LATS2: variants seen among roughly 807,000 people sequenced by gnomAD.
LATS2 encodes large tumor suppressor kinase 2.
In LATS2, 24 loss-of-function variants were observed where a neutral mutation model predicts 76.0. The ratio of observed to expected loss-of-function variants is 0.32; its 90% CI spans 0.23 to 0.44. LATS2 has a LOEUF of 0.44. Among genes scored for constraint, LATS2 ranks in the 20% least tolerant of loss-of-function variants. The pLI is 1.00. For missense variants in LATS2, 1,286 were observed against 1,481.2 expected, an observed-to-expected ratio of 0.87 and a Z score of 2.16; for synonymous variants, 692 against 635.4, an observed-to-expected ratio of 1.09 and a Z score of -1.34.
chr13:20,979,717 G>C lies in LATS2; in HGVS notation c.2746C>G (p.Pro916Ala). 6.2e-7 allele frequency: 1 copy of C among 1,611,550 alleles called. No homozygotes were observed. Among genetic ancestry groups the C allele is most frequent in the African/African-American group, 1.3e-5 (1 of 74,954 alleles). Residue 916 changes from proline (P) to alanine (A), a missense_variant, in exon 7 of 8, where the codon CCT becomes GCT. Coordinates refer to ENST00000382592, the MANE Select transcript of LATS2 (RefSeq NM_014572.3). ...TTCAGCTGGGTTTCTGTGGGAGTAG[G>C]TGCCAAAAAGGGCGGCTGCCCCACC... ...MLVGQPPFLA[P>A]TPTETQLKVI...
chr13:21,010,201 A>AAAAACAAAC (rs1555225650), intron 2 of LATS2, among the ~76,000 whole-genome samples: 1 of 150,610 alleles, frequency 6.6e-6, no homozygotes, highest in East Asian at 2.0e-4. Context: ...CTCTGTCAAA[A>AAAAACAAAC]AAACAAACAA....
chr13:21,047,872 G>A (rs758188971), intron 1 of LATS2, among the ~76,000 whole-genome samples: 8 of 152,126 alleles, frequency 5.3e-5, no homozygotes, highest in East Asian at 1.9e-4. Flanking sequence ...GATTGTAAGC[G>A]TTTTAACTAT....
intron 2 of LATS2, among the ~76,000 whole-genome samples, chr13:21,037,569 G>A (rs1872724020): frequency 6.6e-6 from 1 of 152,188 alleles, no homozygotes; most frequent in Non-Finnish European, 1.5e-5. Context: ...CTGTCTCACA[G>A]GCCTTAAAAT....
chr13:20,976,946 G>T (rs1869651293), intron 7 of LATS2, among the ~76,000 whole-genome samples: 1 of 152,028 alleles, frequency 6.6e-6, no homozygotes, highest in African/African-American at 2.4e-5. Flanking sequence ...CCCACTTTCT[G>T]GTTTATATCC....
At chr13:21,030,897 C>T (rs1436668042) in intron 2 of LATS2, among the ~76,000 whole-genome samples, 4 of 150,470 alleles carry the variant, frequency 2.7e-5, no homozygotes, top group Non-Finnish European at 5.9e-5. Flanking sequence ...TCTTTTAATA[C>T]AGGTCCCCTG....
Position 20,991,191 on chromosome 13 carries a change from G to T in LATS2, c.475+81C>A. On this transcript the variant is annotated intron_variant, in intron 3 of 7. Transcript: ENST00000382592. The surrounding 1 kb of genome is among the most constrained non-coding windows in gnomAD (Gnocchi z 4.9). ...GACTGGCTCTGGCCAGGCCAGGCCA[G>T]GTTGGACCCCTCTGCACGTGGTTTT... is the stretch of plus-strand genomic sequence containing the variant. 1 of 1,558,738 alleles carries T rather than the reference G, an allele frequency of 6.4e-7. No individual in the cohort carries two copies. Among genetic ancestry groups the T allele is most frequent in the Non-Finnish European group, 8.8e-7 (1 of 1,139,134 alleles).
chr13:21,023,969 C>T (rs1229560716), intron 2 of LATS2, among the ~76,000 whole-genome samples: 1 of 150,648 alleles, frequency 6.6e-6, no homozygotes, highest in African/African-American at 2.4e-5. Flanking sequence ...GTGAAACTCC[C>T]TCTCAAGAAA....
intron 2 of LATS2, among the ~76,000 whole-genome samples, chr13:21,010,524 G>A (rs950235798): frequency 2.0e-5 from 3 of 151,992 alleles, no homozygotes; most frequent in African/African-American, 7.3e-5. Context: ...AAACAAAGCC[G>A]GAACAAACAA....
chr13:21,041,929 T>C (rs1264499322), intron 2 of LATS2, among the ~76,000 whole-genome samples: 1 of 152,104 alleles, frequency 6.6e-6, no homozygotes, highest in Non-Finnish European at 1.5e-5. Flanking sequence ...GTTCCCCCTA[T>C]AACCCACTGC....
intron 2 of LATS2, among the ~76,000 whole-genome samples, chr13:21,021,673 T>C (rs775175958): frequency 2.6e-5 from 4 of 152,132 alleles, no homozygotes; most frequent in African/African-American, 4.8e-5. Flanking sequence ...TTTTGAAGAA[T>C]TGAGGACACC....
At position 20,989,047 on chromosome 13, in the gene LATS2, GTGCCC is replaced by G; in HGVS notation, c.728_732del (p.Gly243AlafsTer117). On this transcript the variant is annotated frameshift_variant, in exon 4 of 8. Transcript: ENST00000382592. LOFTEE classifies it high-confidence loss of function. ...TAGTGCGCGCCCTGCAGCGGGAAGT[GTGCCC>G]CTGCTGCCTCTACGCTGGCACCGTA... The G allele has an allele frequency of 6.4e-7, 1 of 1,573,272 alleles. No homozygotes were observed. Among genetic ancestry groups the G allele is most frequent in the Non-Finnish European group, 8.6e-7 (1 of 1,165,256 alleles).
Position 20,989,024 on chromosome 13 carries a change from G to A in LATS2, c.756C>T (p.His252=), listed in dbSNP as rs532353813. 2.2e-5 allele frequency: 35 copies of A among 1,557,624 alleles called. No homozygotes were observed. The Admixed American group carries it at 4.3e-4, about 19-fold the overall frequency. ...AGAHFPLQGA[H]YGRPHLLVPG... ...GCACCAGCAGGTGCGGCCGCCCGTA[G>A]TGCGCGCCCTGCAGCGGGAAGTGTG... is the stretch of plus-strand genomic sequence containing the variant. Residue 252 remains histidine (H), a synonymous_variant, in exon 4 of 8, where the codon CAC becomes CAT. Transcript: ENST00000382592.
intron 2 of LATS2, among the ~76,000 whole-genome samples, chr13:21,017,387 C>G (rs1456316040): frequency 6.6e-6 from 1 of 152,010 alleles, no homozygotes; most frequent in Non-Finnish European, 1.5e-5. Context: ...GTTACCCAGG[C>G]TGGTCTCAAA....
intron 2 of LATS2, among the ~76,000 whole-genome samples, chr13:21,015,763 G>A (rs1262051746): frequency 2.0e-5 from 3 of 151,994 alleles, no homozygotes; most frequent in South Asian, 4.1e-4. Flanking sequence ...GCAATGGCGC[G>A]ACCTCTGCTA....
intron 2 of LATS2, among the ~76,000 whole-genome samples, chr13:21,040,268 T>C (rs181716673): frequency 6.6e-6 from 1 of 151,436 alleles, no homozygotes; most frequent in African/African-American, 2.4e-5. Flanking sequence ...GCGCCTGTGG[T>C]CTCAGTTACT....
At chr13:21,050,945 G>T (rs112678010) in intron 1 of LATS2, among the ~76,000 whole-genome samples, 2 of 152,248 alleles carry the variant, frequency 1.3e-5, no homozygotes, top group East Asian at 1.9e-4. Context: ...CCACGTGAGG[G>T]GGGGCAGGAA....
chr13:20,996,900 T>C (rs961705972), intron 2 of LATS2, among the ~76,000 whole-genome samples: 17 of 152,178 alleles, frequency 1.1e-4, no homozygotes, highest in Non-Finnish European at 2.4e-4. Context: ...GAAAAATTAT[T>C]TTGTCAGATT....
chr13:20,995,402 CATGCCAAGA>C (rs1870708368), intron 2 of LATS2, among the ~76,000 whole-genome samples: 2 of 152,340 alleles, frequency 1.3e-5, no homozygotes, highest in South Asian at 4.1e-4. Context: ...CACGTCTATG[CATGCCAAGA>C]TGTGGAAAGG....
chr13:21,043,707 T>C lies in LATS2; in HGVS notation c.342+1978A>G, dbSNP rs190125134. 7.9e-3 allele frequency among the ~76,000 whole-genome samples: 1,200 copies of C among 152,364 alleles called. 10 individuals are homozygous for C. Among genetic ancestry groups the C allele is most frequent in the African/African-American group, 0.028 (1,148 of 41,594 alleles). ...CTTTTAGTGTATTTGTGTTTCTGTA[T>C]TGGAAACAGCACTGGCTTTATTACT... is the stretch of plus-strand genomic sequence containing the variant. On this transcript the variant is annotated intron_variant, in intron 2 of 7. Coordinates refer to ENST00000382592, the MANE Select transcript of LATS2 (RefSeq NM_014572.3).
Sources: gnomAD v4.1 joint callset for allele counts (sites outside exome capture counted in the v4.1 genomes callset) on GRCh38, gnomAD v4.1.1 for gene constraint, Gnocchi (gnomAD v3.1) non-coding constraint, MANE v1.5 for transcripts, NCBI Gene and HGNC (gene_info 2026-07-23, HGNC 2026-07-21) for gene names.